Variants in ACVR1C observed in about 807,000 individuals in gnomAD.
ACVR1C encodes the protein activin receptor type-1C.
A neutral mutation model predicts 57.9 loss-of-function variants in ACVR1C; 23 were observed. That is an observed-to-expected ratio of 0.40 (90% CI 0.29 to 0.56). The LOEUF is 0.56. ACVR1C is among the 20% of genes least tolerant of loss of function. The probability of loss-of-function intolerance (pLI) is 0.50; values close to 1 mark genes in which losing one functional copy is unlikely to be tolerated. For missense variants in ACVR1C, 480 were observed against 607.9 expected, an observed-to-expected ratio of 0.79 and a Z score of 2.21; for synonymous variants, 214 against 215.3, an observed-to-expected ratio of 0.99 and a Z score of 0.05.
chr2:157,627,064 C>T (rs942965189), intron 1 of ACVR1C, among the ~76,000 whole-genome samples: 2 of 152,100 alleles, frequency 1.3e-5, no homozygotes, highest in African/African-American at 4.8e-5. Context: ...ACAAAATATA[C>T]CCTTGAAGCT....
intron 1 of ACVR1C, among the ~76,000 whole-genome samples, chr2:157,625,853 C>T (rs1385706688): frequency 6.6e-6 from 1 of 152,182 alleles, no homozygotes; most frequent in African/African-American, 2.4e-5. Flanking sequence ...TTTTCTGCCA[C>T]TTCTTTTTTG....
chr2:157,567,202 G>A lies in ACVR1C; in HGVS notation c.305-10870C>T, dbSNP rs1472254784. ...AACAACCAGAAAGGACATCTACACC[G>A]AAAACCCATCTGTACATCACCATCA... is the stretch of plus-strand genomic sequence containing the variant. On this transcript the variant is annotated intron_variant, in intron 2 of 8. Transcript: ENST00000243349. Among the ~76,000 whole-genome samples, 8 of 90,824 alleles carry A rather than the reference G, an allele frequency of 8.8e-5. 1 individual carries two copies. Among genetic ancestry groups the A allele is most frequent in the African/African-American group, 2.1e-4 (4 of 19,114 alleles). 59.6% of individuals were successfully genotyped at this position (90,824 alleles called of 152,430 possible).
chr2:157,564,923 T>C (rs1213225682), intron 2 of ACVR1C, among the ~76,000 whole-genome samples: 9 of 151,800 alleles, frequency 5.9e-5, no homozygotes. Flanking sequence ...ACATGGACAC[T>C]GGGAGGGGAA....
rs139764564 is a variant in ACVR1C at position 157,625,678 on chromosome 2, A to G, written c.73+2894T>C. ...CCACTCTCACCCTGGTTATTAAGGAAATATTTATTCCATTTTTGGAGTAAC... is the reference window on the plus strand; with the variant it reads ...CCACTCTCACCCTGGTTATTAAGGAGATATTTATTCCATTTTTGGAGTAAC... On this transcript the variant is annotated intron_variant, in intron 1 of 8. Coordinates refer to ENST00000243349, the MANE Select transcript of ACVR1C (RefSeq NM_145259.3). 9.9e-3 allele frequency among the ~76,000 whole-genome samples: 1,510 copies of G among 152,192 alleles called. 31 individuals are homozygous for G. Among genetic ancestry groups the G allele is most frequent in the African/African-American group, 0.034 (1,428 of 41,502 alleles).
chr2:157,565,207 A>G (rs1258867928), intron 2 of ACVR1C, among the ~76,000 whole-genome samples: 1 of 152,232 alleles, frequency 6.6e-6, no homozygotes, highest in East Asian at 1.9e-4. Flanking sequence ...ATGATGAATC[A>G]GTCCAACATA....
At chr2:157,598,684 C>T (rs1682200313) in intron 1 of ACVR1C, among the ~76,000 whole-genome samples, 1 of 151,744 alleles carries the variant, frequency 6.6e-6, no homozygotes, top group Non-Finnish European at 1.5e-5. Flanking sequence ...GGATTACAGG[C>T]GCTCACCACC....
At chr2:157,560,012 G>A (rs1688199399) in intron 2 of ACVR1C, among the ~76,000 whole-genome samples, 1 of 151,554 alleles carries the variant, frequency 6.6e-6, no homozygotes, top group African/African-American at 2.4e-5. Flanking sequence ...AAGGAAGGAA[G>A]GAAATTTTAA....
intron 1 of ACVR1C, among the ~76,000 whole-genome samples, chr2:157,606,741 C>CTCTT (rs1353797251): frequency 6.6e-6 from 1 of 151,494 alleles, no homozygotes; most frequent in Non-Finnish European, 1.5e-5. Flanking sequence ...TATTAATATT[C>CTCTT]TCTTTCATTC....
At chr2:157,575,102 C>A (rs1688610023) in intron 2 of ACVR1C, among the ~76,000 whole-genome samples, 1 of 151,586 alleles carries the variant, frequency 6.6e-6, no homozygotes, top group Admixed American at 6.6e-5. Flanking sequence ...GCTGGGACTA[C>A]AAGTGTGCAC....
In ACVR1C at chr2:157,566,831, G is replaced by C. The variant is rs866389652; in HGVS notation, c.305-10499C>G. On this transcript the variant is annotated intron_variant, in intron 2 of 8. Coordinates refer to ENST00000243349, the MANE Select transcript of ACVR1C (RefSeq NM_145259.3). Reference sequence around the variant, plus strand: ...GCTTGCTTAGGTAAACAAAGCAGCCGGGAAGGGAAGCTCGAACTGGGTGGA... The same window carrying C: ...GCTTGCTTAGGTAAACAAAGCAGCCCGGAAGGGAAGCTCGAACTGGGTGGA... Among the ~76,000 whole-genome samples, 28 of 152,252 alleles carry C rather than the reference G, an allele frequency of 1.8e-4. No homozygotes were observed. In the East Asian group the frequency reaches 2.7e-3, roughly 15 times the overall value.
Position 157,527,873 on chromosome 2 carries a change from A to G in ACVR1C, c.*6045T>C, listed in dbSNP as rs1220683514. The G allele has an allele frequency of 6.6e-6, 1 of 152,178 alleles. No homozygotes were observed. The highest frequency in any genetic ancestry group is 1.5e-5 in the Non-Finnish European group (1 of 68,030). The allele number at this position is 152,178 out of a possible 1,614,324, so 9.4% of individuals were successfully genotyped here. A position where few individuals can be genotyped will look rare whatever the true frequency, so the allele number is the denominator to read the frequency against. On this transcript the variant is annotated 3_prime_UTR_variant, in exon 9 of 9. Coordinates refer to ENST00000243349, the MANE Select transcript of ACVR1C (RefSeq NM_145259.3). ...ACAGGCAAAGTCAGTAATTAGCTCC[A>G]TGCATAGAATGAAAACTGTATGGAC...
In ACVR1C at chr2:157,527,616, C is replaced by T. The variant is rs2105191678; in HGVS notation, c.*6302G>A. ...ACAGATCAAGTTTGAATAATCTTCT[C>T]CAGTCTAGAATCAGAAGAGTACATG... On this transcript the variant is annotated 3_prime_UTR_variant, in exon 9 of 9. Transcript: ENST00000243349. 6.6e-6 allele frequency: 1 copy of T among 152,178 alleles called. No individual in the cohort carries two copies. Among genetic ancestry groups the T allele is most frequent in the South Asian group, 2.1e-4 (1 of 4,810 alleles). The allele number at this position is 152,178 out of a possible 1,614,324, so 9.4% of individuals were successfully genotyped here.
At chr2:157,592,524 TTCCC>T (rs1314801314) in intron 1 of ACVR1C, among the ~76,000 whole-genome samples, 14 of 152,116 alleles carry the variant, frequency 9.2e-5, no homozygotes, top group African/African-American at 2.9e-4. Flanking sequence ...CTGCTACATG[TTCCC>T]ATTTATTCCA....
rs187348865 is a variant in ACVR1C, at chr2:157,528,164, T to G, written c.*5754A>C. On this transcript the variant is annotated 3_prime_UTR_variant, in exon 9 of 9. Coordinates refer to ENST00000243349, the MANE Select transcript of ACVR1C (RefSeq NM_145259.3). ...TGCTTCTCTGTAAAATATAAAATTA[T>G]GTCTGGGAGCCAATTGCAGTTGGAT... The G allele has an allele frequency of 6.6e-6, 1 of 152,320 alleles. No homozygotes were observed. The highest frequency in any genetic ancestry group is 1.9e-4 in the East Asian group (1 of 5,192). The allele number at this position is 152,320 out of a possible 1,614,324, so 9.4% of individuals were successfully genotyped here.
At chr2:157,586,868 G>A (rs753381014) in intron 2 of ACVR1C, among the ~76,000 whole-genome samples, 53 of 152,126 alleles carry the variant, frequency 3.5e-4, no homozygotes, top group Non-Finnish European at 5.3e-4. Flanking sequence ...AGGCCAAGAA[G>A]CAATCTCAAT....
intron 3 of ACVR1C, among the ~76,000 whole-genome samples, chr2:157,554,287 G>GAAAGAAAGAAAGGAAA (rs1558975256): frequency 3.2e-5 from 4 of 126,232 alleles, no homozygotes; most frequent in African/African-American, 1.5e-4. Context: ...AAGGAAGAGA[G>GAAAGAAAGAAAGGAAA]AGAGAGAGAG....
rs1228286414 is a variant in ACVR1C, at chr2:157,533,079, C to A, written c.*839G>T. 6.6e-6 allele frequency: 1 copy of A among 152,102 alleles called. No individual in the cohort carries two copies. Among genetic ancestry groups the A allele is most frequent in the Non-Finnish European group, 1.5e-5 (1 of 68,010 alleles). 9.4% of individuals were successfully genotyped at this position (152,102 alleles called of 1,614,324 possible). ...TGATTCTGCAAAATAACTCAATATG[C>A]CTTCTAAACCACAAATATCATAATA... On this transcript the variant is annotated 3_prime_UTR_variant, in exon 9 of 9. Transcript: ENST00000243349.
At chr2:157,614,931 T>A (rs969744168) in intron 1 of ACVR1C, among the ~76,000 whole-genome samples, 2 of 152,186 alleles carry the variant, frequency 1.3e-5, no homozygotes, top group Non-Finnish European at 2.9e-5. Flanking sequence ...AGCATATAGA[T>A]CTTGCTTTTT....
rs916931732 is a variant in ACVR1C at position 157,628,764 on chromosome 2, T to C, written c.-120A>G. 2.3e-6 allele frequency: 2 copies of C among 863,406 alleles called. No homozygotes were observed. The highest frequency in any genetic ancestry group is 3.5e-5 in the Admixed American group (1 of 28,978). 53.5% of individuals were successfully genotyped at this position (863,406 alleles called of 1,614,324 possible). On this transcript the variant is annotated 5_prime_UTR_variant, in exon 1 of 9. Coordinates refer to ENST00000243349, the MANE Select transcript of ACVR1C (RefSeq NM_145259.3). ...AGGGGAGCGCGGCACCGACACCCTTTTGAAGTGCGCGGTTGGCTCTAGTCA... is the reference window on the plus strand; with the variant it reads ...AGGGGAGCGCGGCACCGACACCCTTCTGAAGTGCGCGGTTGGCTCTAGTCA...
Sources: gnomAD v4.1 joint callset for allele counts (sites outside exome capture counted in the v4.1 genomes callset) on GRCh38, gnomAD v4.1.1 for gene constraint, MANE v1.5 for transcripts, NCBI Gene and HGNC (gene_info 2026-07-23, HGNC 2026-07-21) for gene names.